RAB38: variants seen among roughly 807,000 people sequenced by gnomAD.
RAB38 encodes ras-related protein Rab-38.
RAB38 carries 15 observed loss-of-function variants against 18.4 expected under a neutral mutation model. That is an observed-to-expected ratio of 0.82 (90% CI 0.55 to 1.26). RAB38 has a LOEUF of 1.26. Among genes scored for constraint, RAB38 ranks in the 50% most tolerant of loss-of-function variants. RAB38 has a pLI of 0.00. For synonymous variants in RAB38, 101 were observed against 104.4 expected (o/e 0.97, Z 0.20); for missense variants, 294 against 267.4 (o/e 1.10, Z -0.69).
chr11:88,081,885 T>C, the RAB38 span, among the ~76,000 whole-genome samples: 2 of 151,740 alleles, frequency 1.3e-5, no homozygotes, highest in African/African-American at 4.8e-5. Context: ...GGTGAAGGGA[T>C]AAAAAAAGTT....
At chr11:87,951,171 A>G in the RAB38 span, among the ~76,000 whole-genome samples, 1 of 152,036 alleles carries the variant, frequency 6.6e-6, no homozygotes, top group Non-Finnish European at 1.5e-5. Context: ...CTTCCAGTTG[A>G]TCGCATCGGC....
chr11:88,019,196 A>T, the RAB38 span, among the ~76,000 whole-genome samples: 1 of 152,028 alleles, frequency 6.6e-6, no homozygotes, highest in Non-Finnish European at 1.5e-5. Context: ...AGTTTTTAAA[A>T]TTTTTCCACC....
chr11:87,923,559 GTGTGTGTGTGTGTGTGCA>G, the RAB38 span, among the ~76,000 whole-genome samples: 10 of 151,238 alleles, frequency 6.6e-5, no homozygotes, highest in Admixed American at 1.3e-4. Context: ...GTGTGTGTGT[GTGTGTGTGTGTGTGTGCA>G]TGTGTGTGTG....
At chr11:87,854,139 TG>T in the RAB38 span, among the ~76,000 whole-genome samples, 1 of 152,186 alleles carries the variant, frequency 6.6e-6, no homozygotes, top group African/African-American at 2.4e-5. Context: ...GTTTTTGTTT[TG>T]TTTTGGTTTT....
At chr11:88,026,587 A>C in the RAB38 span, among the ~76,000 whole-genome samples, 2 of 142,710 alleles carry the variant, frequency 1.4e-5, no homozygotes, top group East Asian at 2.1e-4. Context: ...AAAAAAAAAA[A>C]GGAAAAGAAA....
the RAB38 span, among the ~76,000 whole-genome samples, chr11:87,949,122 G>C: frequency 2.0e-5 from 3 of 152,174 alleles, no homozygotes; most frequent in Non-Finnish European, 2.9e-5. Context: ...TCTTGGGAGG[G>C]TGTATGTGTC....
At chr11:87,975,297 G>A in the RAB38 span, among the ~76,000 whole-genome samples, 847 of 151,944 alleles carry the variant, frequency 5.6e-3, 4 homozygotes, top group Non-Finnish European at 9.3e-3. Context: ...TGAATTTTAG[G>A]CGGATACGAC....
chr11:87,903,463 C>G, the RAB38 span, among the ~76,000 whole-genome samples: 1 of 151,298 alleles, frequency 6.6e-6, no homozygotes, highest in South Asian at 2.1e-4. Context: ...TTGACTTATT[C>G]ATGTTTTGTA....
chr11:88,042,401 C>G, the RAB38 span, among the ~76,000 whole-genome samples: 7,689 of 152,220 alleles, frequency 0.051, 326 homozygotes, highest in South Asian at 0.074. Context: ...TGAGGTAATT[C>G]CTGAGGGCTC....
the RAB38 span, among the ~76,000 whole-genome samples, chr11:88,078,539 G>C: frequency 7.9e-6 from 1 of 125,990 alleles, no homozygotes; most frequent in Non-Finnish European, 1.7e-5. Context: ...ATATTATTAG[G>C]CCATAAAACA....
the RAB38 span, among the ~76,000 whole-genome samples, chr11:87,908,861 T>C: frequency 6.6e-6 from 1 of 152,000 alleles, no homozygotes; most frequent in Non-Finnish European, 1.5e-5. Context: ...TCCTGAATGT[T>C]AGGAATATTG....
the RAB38 span, among the ~76,000 whole-genome samples, chr11:87,823,193 T>C: frequency 6.6e-6 from 1 of 152,104 alleles, no homozygotes; most frequent in South Asian, 2.1e-4. Context: ...CTTAAACTCA[T>C]GTGAAAGATT....
chr11:87,838,281 A>AT, the RAB38 span, among the ~76,000 whole-genome samples: 2 of 151,744 alleles, frequency 1.3e-5, no homozygotes, highest in South Asian at 2.1e-4. Context: ...CGCCCAGCTA[A>AT]TTTTTTGTAT....
chr11:88,012,583 A>G, the RAB38 span, among the ~76,000 whole-genome samples: 1 of 152,202 alleles, frequency 6.6e-6, no homozygotes, highest in Non-Finnish European at 1.5e-5. Context: ...TCAACAATTA[A>G]CAAGGCTCCC....
At chr11:88,163,402 C>G (rs1403443265) in intron 1 of RAB38, among the ~76,000 whole-genome samples, 1 of 152,106 alleles carries the variant, frequency 6.6e-6, no homozygotes, top group Non-Finnish European at 1.5e-5. Flanking sequence ...TACTTTTATG[C>G]CTACTGAACT....
At chr11:88,076,976 G>GA in the RAB38 span, among the ~76,000 whole-genome samples, 6,906 of 56,448 alleles carry the variant, frequency 0.12, 458 homozygotes, top group East Asian at 0.28. Context: ...AAAAAAAAAA[G>GA]AAAGAAAGAA....
At chr11:87,803,890 G>A in the RAB38 span, among the ~76,000 whole-genome samples, 1 of 152,226 alleles carries the variant, frequency 6.6e-6, no homozygotes. Context: ...CAAGGCCTGA[G>A]AATAACTTTC....
chr11:88,173,480 G>C, intron 1 of RAB38: 4 of 962,990 alleles, frequency 4.2e-6, no homozygotes, highest in Non-Finnish European at 4.9e-6. Context: ...CTGGAATTTG[G>C]GCTATTAATC....
chr11:88,035,489 A>T, the RAB38 span, among the ~76,000 whole-genome samples: 1 of 152,184 alleles, frequency 6.6e-6, no homozygotes, highest in African/African-American at 2.4e-5. Flanking sequence ...CACAATCACA[A>T]GGCGAGGTCC....
Sources: allele counts gnomAD v4.1 joint callset (sites outside exome capture counted in the v4.1 genomes callset), GRCh38; gene constraint gnomAD v4.1.1; transcripts MANE v1.5; gene names NCBI Gene and HGNC (gene_info 2026-07-23, HGNC 2026-07-21).